The following MTMR7 variants were observed in gnomAD, a reference collection of about 807,000 sequenced individuals.
MTMR7 encodes the protein myotubularin related protein 7, also known as phosphatidylinositol-3-phosphate phosphatase MTMR7.
In MTMR7, 76 loss-of-function variants were observed where a neutral mutation model predicts 81.2. That is an observed-to-expected ratio of 0.94 (90% CI 0.78 to 1.13). MTMR7 has a LOEUF of 1.13. MTMR7 is among the 50% of genes most tolerant of loss of function. MTMR7 has a pLI of 0.00. For missense variants in MTMR7, 1,044 were observed against 820.0 expected, an observed-to-expected ratio of 1.27 and a Z score of -3.34; for synonymous variants, 372 against 289.8, an observed-to-expected ratio of 1.28 and a Z score of -2.88.
chr8:17,413,208 T>A, intron 1 of MTMR7, 61 bp downstream of exon 1: 1 of 1,511,892 alleles, frequency 6.6e-7, no homozygotes, highest in Admixed American at 2.0e-5. Flanking sequence ...GCGCTCAGCA[T>A]CCCTCCTCCT....
intron 9 of MTMR7, among the ~76,000 whole-genome samples, chr8:17,310,525 G>A (rs191128497): frequency 3.3e-5 from 5 of 152,294 alleles, no homozygotes; most frequent in Non-Finnish European, 7.4e-5. Context: ...AGGGCAGTGT[G>A]TGACTGGCAA....
chr8:17,331,322 T>C (rs767553300), intron 6 of MTMR7, 40 bp from the exon 7 acceptor site: 2 of 1,543,388 alleles, frequency 1.3e-6, no homozygotes, highest in Non-Finnish European at 1.7e-6. Context: ...TCAATTACAT[T>C]GATGAAACAA....
chr8:17,302,090 C>G, intron 13 of MTMR7, 64 bp downstream of exon 13: 1 of 1,599,958 alleles, frequency 6.3e-7, no homozygotes, highest in Non-Finnish European at 8.6e-7. Flanking sequence ...AAGAGGCTTT[C>G]ATGAAGCCTT....
At chr8:17,313,183 T>A in intron 8 of MTMR7, 109 bp downstream of exon 8, 1 of 702,916 alleles carries the variant, frequency 1.4e-6, no homozygotes, top group Non-Finnish European at 2.4e-6. Context: ...GGCTATCCAG[T>A]CAGTGCAGTG....
intron 3 of MTMR7, among the ~76,000 whole-genome samples, chr8:17,365,324 T>A (rs978127854): frequency 6.6e-6 from 1 of 152,246 alleles, no homozygotes; most frequent in Non-Finnish European, 1.5e-5. Flanking sequence ...TAATCCTTTA[T>A]CAGGTATATG....
intron 1 of MTMR7, among the ~76,000 whole-genome samples, chr8:17,388,583 C>T (rs1821014211): frequency 6.6e-6 from 1 of 152,332 alleles, no homozygotes; most frequent in East Asian, 1.9e-4. Flanking sequence ...TAAAATGATT[C>T]TGAATTTGAC....
chr8:17,397,231 T>C (rs773648205), intron 1 of MTMR7, among the ~76,000 whole-genome samples: 5 of 151,724 alleles, frequency 3.3e-5, no homozygotes, highest in Non-Finnish European at 5.9e-5. Context: ...CCTCAGGTAC[T>C]AGCTCAGCCA....
At chr8:17,328,575 G>T (rs554609192) in intron 7 of MTMR7, among the ~76,000 whole-genome samples, 31 of 152,124 alleles carry the variant, frequency 2.0e-4, no homozygotes, top group African/African-American at 6.5e-4. Context: ...GGCGGGGGTG[G>T]GGGAGTGGAG....
rs1816873159 is a variant in MTMR7, at chr8:17,298,320, A to G, written c.*1542T>C. 6.6e-6 allele frequency: 1 copy of G among 152,106 alleles called. No homozygotes were observed. The highest frequency in any genetic ancestry group is 6.5e-5 in the Admixed American group (1 of 15,270). The allele number at this position is 152,106 out of a possible 1,614,324, so 9.4% of individuals were successfully genotyped here. On this transcript the variant is annotated 3_prime_UTR_variant, in exon 14 of 14. Transcript: ENST00000180173. The stretch of plus-strand genomic sequence containing the variant: ...GCTCAGCAGAGAATGCCCAAATTTT[A>G]TATTCTGAAAGAATTAATTACACTT...
At chr8:17,337,867 A>G (rs1004349081) in intron 6 of MTMR7, among the ~76,000 whole-genome samples, 2 of 152,136 alleles carry the variant, frequency 1.3e-5, no homozygotes, top group Admixed American at 6.5e-5. Context: ...AGTAATTCTG[A>G]GGCTTTCATC....
rs1820465121 is a variant in MTMR7, at chr8:17,372,960, T to A, written c.147+158A>T. Reference sequence around the variant, plus strand: ...GAATAGTCGATCAAGTAGATACGACTGCACAGAAAAAGTCCAAACACACAT... The same window carrying A: ...GAATAGTCGATCAAGTAGATACGACAGCACAGAAAAAGTCCAAACACACAT... On this transcript the variant is annotated intron_variant, in intron 2 of 13. Transcript: ENST00000180173. The A allele has an allele frequency of 3.8e-6, 3 of 783,432 alleles. No homozygotes were observed. The East Asian group carries it at 8.1e-5, about 21-fold the overall frequency. 48.5% of individuals were successfully genotyped at this position (783,432 alleles called of 1,614,324 possible).
chr8:17,391,900 G>C (rs73211113), intron 1 of MTMR7, among the ~76,000 whole-genome samples: 1 of 152,148 alleles, frequency 6.6e-6, no homozygotes. Context: ...AGGAAGGGTT[G>C]GGTTTATGTC....
chr8:17,306,047 T>A, intron 10 of MTMR7, 90 bp from the exon 11 acceptor site: 1 of 979,450 alleles, frequency 1.0e-6, no homozygotes, highest in African/African-American at 1.6e-5. Flanking sequence ...AAAGCAACCC[T>A]AGTTCCTAAA....
intron 1 of MTMR7, among the ~76,000 whole-genome samples, chr8:17,377,691 T>G (rs779616163): frequency 2.6e-5 from 4 of 152,142 alleles, no homozygotes; most frequent in Admixed American, 2.6e-4. Context: ...TCCAAGTATA[T>G]CTCAGGTTTT....
intron 1 of MTMR7, among the ~76,000 whole-genome samples, chr8:17,405,855 CA>C (rs1387288042): frequency 0.024 from 1,998 of 84,720 alleles, 47 homozygotes; most frequent in African/African-American, 0.059. Context: ...CACACACACA[CA>C]CACACACACA....
intron 8 of MTMR7, among the ~76,000 whole-genome samples, chr8:17,312,737 A>T (rs1586159926): frequency 6.6e-6 from 1 of 152,164 alleles, no homozygotes; most frequent in Admixed American, 6.5e-5. Context: ...TTACCTCAAA[A>T]CAGGGAACAT....
In MTMR7 at chr8:17,305,783, G is replaced by A. The variant is rs1817409749; in HGVS notation, c.1326C>T (p.Asn442=). Residue 442 remains asparagine, a synonymous_variant, in exon 11 of 14, where the codon AAC becomes AAT. Transcript: ENST00000180173. The part of the protein sequence containing the change: ...YSCQFGNFLC[N]SQKERRELKI... ...TGAGTTCTCGTCTCTCCTTTTGGCT[G>A]TTACATAGGAAGTTTCCAAACTGGC... The A allele has an allele frequency of 4.3e-6, 7 of 1,613,062 alleles. No homozygotes were observed. Among genetic ancestry groups the A allele is most frequent in the Non-Finnish European group, 5.9e-6 (7 of 1,179,224 alleles).
At position 17,410,491 on chromosome 8, in the gene MTMR7, A is replaced by T. The variant is rs187760962; in HGVS notation, c.24+2778T>A. 3.3e-5 allele frequency among the ~76,000 whole-genome samples: 5 copies of T among 152,334 alleles called. No homozygotes were observed. In the East Asian group the frequency reaches 9.6e-4, roughly 29 times the overall value. ...TTCAGAGTGGTAAGGAAACCCAGACAGTGAAGTAGAAACCTAGAAGTTCAC... is the reference window on the plus strand; with the variant it reads ...TTCAGAGTGGTAAGGAAACCCAGACTGTGAAGTAGAAACCTAGAAGTTCAC... On this transcript the variant is annotated intron_variant, in intron 1 of 13. Coordinates refer to ENST00000180173, the MANE Select transcript of MTMR7 (RefSeq NM_004686.5).
chr8:17,342,362 G>C (rs1227676141), intron 5 of MTMR7, among the ~76,000 whole-genome samples: 1 of 152,208 alleles, frequency 6.6e-6, no homozygotes, highest in Admixed American at 6.5e-5. Context: ...TAAGTCCACA[G>C]TGTGAAAGAA....
Sources: gnomAD v4.1 joint callset for allele counts (sites outside exome capture counted in the v4.1 genomes callset) on GRCh38, gnomAD v4.1.1 for gene constraint, MANE v1.5 for transcripts, NCBI Gene and HGNC (gene_info 2026-07-23, HGNC 2026-07-21) for gene names.